Variants in PCMT1 observed in about 807,000 individuals in gnomAD.
PCMT1 encodes protein-L-isoaspartate(D-aspartate) O-methyltransferase.
In PCMT1, 9 loss-of-function variants were observed where a neutral mutation model predicts 29.2. The ratio of observed to expected loss-of-function variants is 0.31; its 90% CI spans 0.19 to 0.54. The LOEUF (loss-of-function observed/expected upper bound fraction) is 0.54. Ranked by LOEUF, PCMT1 falls within the 20% of genes least tolerant of loss-of-function variation. PCMT1 has a pLI of 0.95. For synonymous variants in PCMT1, 98 were observed against 97.5 expected (o/e 1.00, Z -0.03); for missense variants, 184 against 282.2 (o/e 0.65, Z 2.49).
At chr6:149,785,897 T>A (rs1387525679) in intron 3 of PCMT1, among the ~76,000 whole-genome samples, 2 of 152,160 alleles carry the variant, frequency 1.3e-5, no homozygotes, top group South Asian at 4.1e-4. Flanking sequence ...ATTGTCATCC[T>A]GGCCCGTTCT....
intron 5 of PCMT1, among the ~76,000 whole-genome samples, chr6:149,794,019 C>T (rs945569429): frequency 1.3e-5 from 2 of 152,102 alleles, no homozygotes; most frequent in African/African-American, 4.8e-5. Flanking sequence ...TACATTTCTT[C>T]TCCCATCTGA....
intron 6 of PCMT1, among the ~76,000 whole-genome samples, chr6:149,800,476 C>CA (rs1227163142): frequency 6.6e-6 from 1 of 151,912 alleles, no homozygotes; most frequent in Non-Finnish European, 1.5e-5. Context: ...CTCAAAACAA[C>CA]AAAAAACTAC....
intron 3 of PCMT1, among the ~76,000 whole-genome samples, chr6:149,784,549 C>T (rs76973505): frequency 0.011 from 1,655 of 151,872 alleles, 30 homozygotes; most frequent in African/African-American, 0.039. Flanking sequence ...CAGCTCACTG[C>T]GGCCTGCTGG....
chr6:149,758,917 C>T (rs146457994), intron 1 of PCMT1, among the ~76,000 whole-genome samples: 2,125 of 152,036 alleles, frequency 0.014, 29 homozygotes, highest in Middle Eastern at 0.024. Context: ...GCTCTTGTTG[C>T]CCAGGCTAGA....
At chr6:149,791,936 G>A (rs1214746721) in intron 4 of PCMT1, among the ~76,000 whole-genome samples, 5 of 152,160 alleles carry the variant, frequency 3.3e-5, no homozygotes, top group South Asian at 2.1e-4. Flanking sequence ...AAGCACTAGA[G>A]CCTGTGTTCT....
At chr6:149,790,796 G>A (rs1488752313) in intron 4 of PCMT1, among the ~76,000 whole-genome samples, 1 of 152,052 alleles carries the variant, frequency 6.6e-6, no homozygotes, top group Non-Finnish European at 1.5e-5. Context: ...ATCACATGAG[G>A]CCAGGAGTTC....
At chr6:149,796,165 G>A (rs761649791) in intron 5 of PCMT1, 4 of 315,308 alleles carry the variant, frequency 1.3e-5, no homozygotes, top group Non-Finnish European at 2.3e-5. Context: ...AAAATGAAGC[G>A]CTTTTCATTT....
intron 1 of PCMT1, among the ~76,000 whole-genome samples, chr6:149,758,191 TTTTTCTTTCTTTCTTTC>T (rs1786587823): frequency 8.3e-6 from 1 of 120,654 alleles, no homozygotes; most frequent in Non-Finnish European, 1.7e-5. Context: ...ACCAATTTTT[TTTTTCTTTCTTTCTTTC>T]TTTTTTTTTT....
chr6:149,785,925 C>T lies in PCMT1; in HGVS notation c.193-4029C>T, dbSNP rs1316264454. Among the ~76,000 whole-genome samples the T allele has an allele frequency of 2.0e-5, 3 of 151,942 alleles. No homozygotes were observed. In the East Asian group the frequency reaches 5.8e-4, roughly 29 times the overall value. On this transcript the variant is annotated intron_variant, in intron 3 of 7. Coordinates refer to ENST00000464889, the MANE Select transcript of PCMT1 (RefSeq NM_001360452.2). ...CCCGTTCTCAATGAGCTGTTGGGCACACCTCCCAGACGGGGTGGTGGCCGG... is the reference window on the plus strand; with the variant it reads ...CCCGTTCTCAATGAGCTGTTGGGCATACCTCCCAGACGGGGTGGTGGCCGG...
At chr6:149,788,908 C>T (rs1303440378) in intron 3 of PCMT1, among the ~76,000 whole-genome samples, 1 of 152,030 alleles carries the variant, frequency 6.6e-6, no homozygotes, top group African/African-American at 2.4e-5. Flanking sequence ...TTTCTATGTG[C>T]ATTCATTATG....
chr6:149,773,237 A>C, intron 3 of PCMT1, 68 bp downstream of exon 3: 1 of 1,199,772 alleles, frequency 8.3e-7, no homozygotes, highest in Non-Finnish European at 1.2e-6. Context: ...TTCTTTAGTA[A>C]AAAAGATTTA....
chr6:149,774,562 G>A (rs1375516291), intron 3 of PCMT1, among the ~76,000 whole-genome samples: 6 of 142,882 alleles, frequency 4.2e-5, no homozygotes, highest in African/African-American at 1.6e-4. Context: ...TTTTGAGACG[G>A]AGTTTCGTTC....
intron 5 of PCMT1, chr6:149,795,207 AG>A: frequency 6.1e-5 from 22 of 359,424 alleles, no homozygotes; most frequent in East Asian, 3.2e-4. Context: ...AAAAAAAAAA[AG>A]AAATGTTAAC....
intron 6 of PCMT1, among the ~76,000 whole-genome samples, chr6:149,801,298 A>G (rs1411762975): frequency 1.3e-5 from 2 of 152,174 alleles, no homozygotes; most frequent in Non-Finnish European, 2.9e-5. Flanking sequence ...TGTGCATGGA[A>G]TAAAGTTGTG....
chr6:149,796,767 G>A (rs1788628814), intron 6 of PCMT1: 2 of 308,404 alleles, frequency 6.5e-6, no homozygotes, highest in Admixed American at 5.0e-5. Flanking sequence ...TCCCTCTGGA[G>A]TTTATGACCT....
chr6:149,782,228 G>A (rs1352372004), intron 3 of PCMT1, among the ~76,000 whole-genome samples: 1 of 152,114 alleles, frequency 6.6e-6, no homozygotes, highest in African/African-American at 2.4e-5. Flanking sequence ...GATGTGAATA[G>A]GGTAAAATAT....
chr6:149,751,977 A>G (rs116245410), intron 1 of PCMT1, among the ~76,000 whole-genome samples: 2,354 of 145,006 alleles, frequency 0.016, 65 homozygotes, highest in African/African-American at 0.057. Flanking sequence ...TGCTCAAGCG[A>G]TTTTCCCACT....
intron 1 of PCMT1, 144 bp from the exon 2 acceptor site, chr6:149,771,018 A>G: frequency 4.1e-6 from 2 of 484,840 alleles, no homozygotes; most frequent in Non-Finnish European, 7.2e-6. Context: ...AAAAGAAACC[A>G]GGTTGCCATT....
intron 1 of PCMT1, among the ~76,000 whole-genome samples, chr6:149,765,357 C>A (rs1268655422): frequency 2.8e-5 from 1 of 35,108 alleles, no homozygotes; most frequent in South Asian, 8.5e-4. Flanking sequence ...GAGACTCTGT[C>A]TCAAAAAAAA....
Sources: gnomAD v4.1 joint callset for allele counts (sites outside exome capture counted in the v4.1 genomes callset) on GRCh38, gnomAD v4.1.1 for gene constraint, MANE v1.5 for transcripts, NCBI Gene and HGNC (gene_info 2026-07-23, HGNC 2026-07-21) for gene names.